The following MMRN1 variants were observed in gnomAD, a reference collection of about 807,000 sequenced individuals.
MMRN1 encodes multimerin 1.
MMRN1 carries 94 observed loss-of-function variants against 100.7 expected under a neutral mutation model. That is an observed-to-expected ratio of 0.93 (90% CI 0.79 to 1.11). The LOEUF (loss-of-function observed/expected upper bound fraction) is 1.11. Among genes scored for constraint, MMRN1 ranks in the 50% least tolerant of loss-of-function variants. MMRN1 has a pLI of 0.00. For synonymous variants in MMRN1, 575 were observed against 505.0 expected (o/e 1.14, Z -1.86); for missense variants, 1,606 against 1,439.1 (o/e 1.12, Z -1.88).
intron 5 of MMRN1, among the ~76,000 whole-genome samples, chr4:89,932,384 C>T (rs896765328): frequency 6.6e-6 from 1 of 152,268 alleles, no homozygotes. Flanking sequence ...TGCAAGCTGT[C>T]AGTGAATCTA....
rs749859685 is a variant in MMRN1 at position 89,927,988 on chromosome 4, A to G, written c.1129+20A>G. On this transcript the variant is annotated intron_variant, in intron 5 of 7. Transcript: ENST00000264790. ...TAAAAGGTAAAAATGAAATAAAATA[A>G]AATATTCATTCAGTAACACAGAAAG... 5.2e-5 allele frequency: 79 copies of G among 1,509,418 alleles called. 1 individual carries two copies. Among genetic ancestry groups the G allele is most frequent in the East Asian group, 2.4e-5 (1 of 41,934 alleles). The allele number at this position is 1,509,418 out of a possible 1,614,324, so 93.5% of individuals were successfully genotyped here. A position where few individuals can be genotyped will look rare whatever the true frequency, so the allele number is the denominator to read the frequency against.
rs1464275979 is a variant in MMRN1, at chr4:89,895,057, T to C, written c.86T>C (p.Ile29Thr). ...AACAACAGTAAGCATTCTTGGACTA[T>C]ACCTGAGGATGGGAACTCTCAGAAG... ...GLNNSKHSWT[I>T]PEDGNSQKTM... Residue 29 changes from isoleucine to threonine, a missense_variant, in exon 1 of 8, where the codon ATA (isoleucine) becomes ACA (threonine). Physicochemically the swap from Ile to Thr is moderately conservative, Grantham distance 89. Transcript: ENST00000264790. 44 of 1,613,906 alleles carry C rather than the reference T, an allele frequency of 2.7e-5. No homozygotes were observed. The highest frequency in any genetic ancestry group is 3.5e-5 in the Non-Finnish European group (41 of 1,179,882).
At position 89,916,481 on chromosome 4, in the gene MMRN1, A is replaced by G. The variant is rs149268373; in HGVS notation, c.850+4431A>G. Among the ~76,000 whole-genome samples the G allele has an allele frequency of 1.7e-3, 265 of 151,766 alleles. 2 individuals carry two copies. The highest frequency in any genetic ancestry group is 6.1e-3 in the African/African-American group (254 of 41,494). ...ATTACATTAATTTTTGACATTTAAT[A>G]CTAAAAAAGTTAATCACATTTTCTT... On this transcript the variant is annotated intron_variant, in intron 3 of 7. Coordinates refer to ENST00000264790, the MANE Select transcript of MMRN1 (RefSeq NM_007351.3).
chr4:89,925,555 GGTGT>G (rs1722226199), intron 4 of MMRN1, among the ~76,000 whole-genome samples: 1 of 150,792 alleles, frequency 6.6e-6, no homozygotes, highest in Non-Finnish European at 1.5e-5. Context: ...TTTTAGGCTG[GGTGT>G]GGTGGCTCAC....
chr4:89,929,665 C>A (rs1321465607), intron 5 of MMRN1, among the ~76,000 whole-genome samples: 1 of 152,062 alleles, frequency 6.6e-6, no homozygotes, highest in African/African-American at 2.4e-5. Context: ...AAAAATCACA[C>A]ACTCACAGCA....
chr4:89,894,143 G>A (rs1252347651), upstream of MMRN1, among the ~76,000 whole-genome samples: 2 of 151,966 alleles, frequency 1.3e-5, no homozygotes, highest in South Asian at 2.1e-4. Context: ...TCAGACAATC[G>A]TGATTGGAAA....
rs1722577100 is a variant in MMRN1 at position 89,935,330 on chromosome 4, T to C, written c.1650T>C (p.His550=). ...NNVTEYMSTL[H]ENIKKQSLMM... is the part of the protein sequence containing the mutation. ...TCACTGAGTACATGTCTACTTTACA[T>C]GAAAATATAAAGAAGCAGAGTTTGA... Residue 550 remains histidine, a synonymous_variant, in exon 6 of 8, where the codon CAT becomes CAC. Transcript: ENST00000264790. 1 of 1,613,354 alleles carries C rather than the reference T, an allele frequency of 6.2e-7. No homozygotes were observed. Among genetic ancestry groups the C allele is most frequent in the African/African-American group, 1.3e-5 (1 of 74,888 alleles).
rs761206619 is a variant in MMRN1, at chr4:89,936,296, G to A, written c.2616G>A (p.Thr872=). ...ACATTGAGTCTAAAGTTACCCAGAC[G>A]CTCATACCTTATTATATTTCAGTTA... ...LQDIESKVTQ[T]LIPYYISVKK... The change falls in exon 6 of 8, where the codon ACG becomes ACA. Residue 872 remains threonine (T), a synonymous_variant. Transcript: ENST00000264790. 3.1e-6 allele frequency: 5 copies of A among 1,612,352 alleles called. No homozygotes were observed. The highest frequency in any genetic ancestry group is 4.5e-5 in the East Asian group (2 of 44,772).
Position 89,903,897 on chromosome 4 carries a change from G to GAAAA in MMRN1, c.624-5366_624-5363dup, listed in dbSNP as rs71596503. On this transcript the variant is annotated intron_variant, in intron 1 of 7. Transcript: ENST00000264790. ...CTCACCCTTGCCTAATTCAGGATTAGAAAAAAAAAAAAAAAACTCTAGGCA... is the reference window on the plus strand; with the variant it reads ...CTCACCCTTGCCTAATTCAGGATTAGAAAAAAAAAAAAAAAAAAAACTCTAGGCA... 2.2e-4 allele frequency among the ~76,000 whole-genome samples: 28 copies of GAAAA among 127,194 alleles called. 1 individual carries two copies. The highest frequency in any genetic ancestry group is 1.9e-4 in the Non-Finnish European group (12 of 62,282). 83.4% of individuals were successfully genotyped at this position (127,194 alleles called of 152,430 possible).
chr4:89,896,893 T>G (rs1306107209), intron 1 of MMRN1, among the ~76,000 whole-genome samples: 1 of 152,172 alleles, frequency 6.6e-6, no homozygotes, highest in Non-Finnish European at 1.5e-5. Flanking sequence ...CTTGGTGGAC[T>G]TTGGAACAAT....
intron 4 of MMRN1, among the ~76,000 whole-genome samples, chr4:89,925,501 A>AAC (rs1722223741): frequency 6.9e-6 from 1 of 145,582 alleles, no homozygotes; most frequent in South Asian, 2.1e-4. Context: ...TTATATTTTT[A>AAC]ATATATATAT....
intron 2 of MMRN1, among the ~76,000 whole-genome samples, chr4:89,909,663 A>C (rs1474645147): frequency 6.6e-6 from 1 of 151,446 alleles, no homozygotes; most frequent in African/African-American, 2.4e-5. Context: ...TATCATGCTT[A>C]TTTCTATTTT....
Position 89,950,324 on chromosome 4 carries a change from TG to T in MMRN1, c.3119-1279del, listed in dbSNP as rs201863016. 7.8e-3 allele frequency among the ~76,000 whole-genome samples: 1,193 copies of T among 152,292 alleles called. 11 individuals carry two copies. Among genetic ancestry groups the T allele is most frequent in the Middle Eastern group, 0.058 (17 of 294 alleles). ...AATTGAAGAATTGTCTTTGTGCACA[TG>T]GACAAGTATGTCTGGAGTATATATA... On this transcript the variant is annotated intron_variant, in intron 6 of 7. Transcript: ENST00000264790.
chr4:89,935,924 A>G lies in MMRN1; in HGVS notation c.2244A>G (p.Leu748=), dbSNP rs754476869. 5.6e-6 allele frequency: 9 copies of G among 1,610,002 alleles called. No individual in the cohort carries two copies. The Admixed American group carries it at 1.5e-4, about 27-fold the overall frequency. ...ATTTCATTCAAGATAACTATGCCCT[A>G]AAAGAGACTTTAAGTACTATTAAGG... ...AIDFIQDNYA[L]KETLSTIKDN... Residue 748 remains leucine, a synonymous_variant, in exon 6 of 8, where the codon CTA becomes CTG. Transcript: ENST00000264790.
chr4:89,890,793 T>C (rs566124270), upstream of MMRN1, among the ~76,000 whole-genome samples: 1 of 152,234 alleles, frequency 6.6e-6, no homozygotes, highest in East Asian at 1.9e-4. Flanking sequence ...CATTTTCTCA[T>C]GAGGGGCATT....
At chr4:89,944,543 C>T (rs147943469) in intron 6 of MMRN1, among the ~76,000 whole-genome samples, 125 of 152,140 alleles carry the variant, frequency 8.2e-4, no homozygotes, top group African/African-American at 2.7e-3. Context: ...TTTTAATAGG[C>T]GTGCAGTTAT....
rs1723085435 is a variant in MMRN1 at position 89,949,274 on chromosome 4, T to C, written c.3119-2331T>C. Among the ~76,000 whole-genome samples, 3 of 152,184 alleles carry C rather than the reference T, an allele frequency of 2.0e-5. 1 individual carries two copies. The highest frequency in any genetic ancestry group is 2.0e-4 in the Admixed American group (3 of 15,274). On this transcript the variant is annotated intron_variant, in intron 6 of 7. Transcript: ENST00000264790. ...GGGCCAAGGTTACAGGTGACTGTGA[T>C]TTTTTATATTTGGGAAAATTAAAAT...
intron 1 of MMRN1, among the ~76,000 whole-genome samples, chr4:89,887,231 G>C (rs995256962): frequency 6.6e-6 from 1 of 152,016 alleles, no homozygotes; most frequent in Non-Finnish European, 1.5e-5. Flanking sequence ...ACTACCCAAA[G>C]CGATCTACAG....
At chr4:89,947,597 G>A (rs1723028317) in intron 6 of MMRN1, among the ~76,000 whole-genome samples, 1 of 152,144 alleles carries the variant, frequency 6.6e-6, no homozygotes, top group Non-Finnish European at 1.5e-5. Context: ...ACAGTTGAGT[G>A]TGATGAATTC....
Sources: gnomAD v4.1 joint callset for allele counts (sites outside exome capture counted in the v4.1 genomes callset) on GRCh38, gnomAD v4.1.1 for gene constraint, MANE v1.5 for transcripts, NCBI Gene and HGNC (gene_info 2026-07-23, HGNC 2026-07-21) for gene names.